The following ADAMTSL1 variants were observed in gnomAD, a reference collection of about 807,000 sequenced individuals.
ADAMTSL1 encodes the protein ADAMTS-like protein 1.
A neutral mutation model predicts 201.8 loss-of-function variants in ADAMTSL1; 126 were observed. The ratio of observed to expected loss-of-function variants is 0.62; its 90% CI spans 0.54 to 0.72. The LOEUF (loss-of-function observed/expected upper bound fraction) is 0.72. ADAMTSL1 is among the 30% of genes least tolerant of loss of function. The probability of loss-of-function intolerance (pLI) is 0.00; values close to 1 mark genes in which losing one functional copy is unlikely to be tolerated. For synonymous variants in ADAMTSL1, 1,121 were observed against 903.4 expected (o/e 1.24, Z -4.32); for missense variants, 2,679 against 2,277.8 (o/e 1.18, Z -3.59).
chr9:17,930,560 T>C (rs1300944668), intron 1 of ADAMTSL1, among the ~76,000 whole-genome samples: 3 of 152,112 alleles, frequency 2.0e-5, no homozygotes, highest in Non-Finnish European at 2.9e-5. Flanking sequence ...CACATTGTGC[T>C]TGGAGAGTCA....
At chr9:18,373,983 G>C (rs899020822) in intron 2 of ADAMTSL1, among the ~76,000 whole-genome samples, 11 of 152,142 alleles carry the variant, frequency 7.2e-5, no homozygotes, top group African/African-American at 2.7e-4. Flanking sequence ...ACTAGGAACT[G>C]GGCTAGGAAC....
At chr9:18,304,662 A>G (rs1473130040) in intron 2 of ADAMTSL1, among the ~76,000 whole-genome samples, 2 of 148,504 alleles carry the variant, frequency 1.3e-5, no homozygotes, top group Non-Finnish European at 3.0e-5. Context: ...TTTTTTTTTT[A>G]GGACTATGCT....
chr9:18,823,051 A>G (rs1315974858), intron 21 of ADAMTSL1, among the ~76,000 whole-genome samples: 3 of 152,176 alleles, frequency 2.0e-5, no homozygotes, highest in Non-Finnish European at 4.4e-5. Flanking sequence ...TTATGGAAGG[A>G]CTGGCTGTCA....
At chr9:18,626,530 T>A (rs1440227723) in intron 5 of ADAMTSL1, among the ~76,000 whole-genome samples, 1 of 152,036 alleles carries the variant, frequency 6.6e-6, no homozygotes, top group African/African-American at 2.4e-5. Context: ...TAAAATGAGG[T>A]GAGTTTCAAA....
At chr9:18,252,064 A>G (rs923582070) in intron 2 of ADAMTSL1, among the ~76,000 whole-genome samples, 3 of 152,148 alleles carry the variant, frequency 2.0e-5, no homozygotes, top group African/African-American at 4.8e-5. Context: ...TAAAAGAAAA[A>G]AAATGAACCA....
At chr9:18,195,681 A>G (rs552166751) in intron 2 of ADAMTSL1, among the ~76,000 whole-genome samples, 3 of 152,174 alleles carry the variant, frequency 2.0e-5, no homozygotes, top group Non-Finnish European at 4.4e-5. Context: ...AGTTAAATCC[A>G]TCACTGTAAA....
rs947240596 is a variant in ADAMTSL1, at chr9:18,829,889, C to T, written c.4161C>T (p.Leu1387=). 6.8e-6 allele frequency: 11 copies of T among 1,613,870 alleles called. No homozygotes were observed. The highest frequency in any genetic ancestry group is 5.3e-5 in the African/African-American group (4 of 74,934). ...AGTTGGAAGACATCAGGGCCTTGCT[C>T]GCTGCCACTGGACCGAACCTTCCTT... ...PTQLEDIRAL[L]AATGPNLPSV... is the part of the protein sequence containing the mutation. Residue 1387 remains leucine, a synonymous_variant, in exon 23 of 29, where the codon CTC becomes CTT. Transcript: ENST00000380548.
At chr9:18,798,570 C>T (rs1054905521) in intron 20 of ADAMTSL1, among the ~76,000 whole-genome samples, 1 of 152,178 alleles carries the variant, frequency 6.6e-6, no homozygotes, top group Non-Finnish European at 1.5e-5. Context: ...AGGATGCTCA[C>T]AAACCCTTTG....
At chr9:18,659,656 A>G (rs4451401) in intron 8 of ADAMTSL1, among the ~76,000 whole-genome samples, 30,696 of 152,196 alleles carry the variant, frequency 0.2, 3,152 homozygotes, top group Middle Eastern at 0.23. Flanking sequence ...AATCCCAGCT[A>G]CTTGGGAGGC....
intron 13 of ADAMTSL1, among the ~76,000 whole-genome samples, chr9:18,688,627 C>T (rs1332874741): frequency 8.5e-6 from 1 of 116,962 alleles, no homozygotes; most frequent in Non-Finnish European, 1.7e-5. Flanking sequence ...GAGATCTTGC[C>T]ACCAAACTCC....
chr9:18,102,107 T>C (rs1824553830), intron 1 of ADAMTSL1, among the ~76,000 whole-genome samples: 1 of 152,234 alleles, frequency 6.6e-6, no homozygotes, highest in Non-Finnish European at 1.5e-5. Context: ...ATGTCTGTTT[T>C]TGAATATACT....
chr9:18,576,957 T>C, intron 4 of ADAMTSL1, among the ~76,000 whole-genome samples: 1 of 152,080 alleles, frequency 6.6e-6, no homozygotes, highest in Non-Finnish European at 1.5e-5. Flanking sequence ...AGTTCAAAAC[T>C]CCTATTCTTT....
chr9:18,756,455 A>G (rs545948921), intron 16 of ADAMTSL1, among the ~76,000 whole-genome samples: 2 of 152,172 alleles, frequency 1.3e-5, no homozygotes, highest in South Asian at 4.1e-4. Flanking sequence ...CATTGTTTAT[A>G]TTGTATGGTG....
intron 1 of ADAMTSL1, among the ~76,000 whole-genome samples, chr9:17,914,505 G>A (rs200612217): frequency 3.3e-5 from 5 of 152,006 alleles, no homozygotes; most frequent in Non-Finnish European, 4.4e-5. Context: ...TAAATTAGGT[G>A]TTGATGGGAC....
At chr9:18,534,887 C>A (rs1819662375) in intron 3 of ADAMTSL1, among the ~76,000 whole-genome samples, 1 of 152,192 alleles carries the variant, frequency 6.6e-6, no homozygotes, top group Non-Finnish European at 1.5e-5. Context: ...CAGAGGCTGC[C>A]TAGAGCAGGG....
In ADAMTSL1 at chr9:18,287,639, GTA is replaced by G. The variant is rs1341880148; in HGVS notation, c.207+123660_207+123661del. Among the ~76,000 whole-genome samples, 346 of 126,240 alleles carry G rather than the reference GTA, an allele frequency of 2.7e-3. 3 individuals are homozygous for G. Among genetic ancestry groups the G allele is most frequent in the African/African-American group, 8.4e-3 (306 of 36,470 alleles). 82.8% of individuals were successfully genotyped at this position (126,240 alleles called of 152,430 possible). The stretch of plus-strand genomic sequence containing the variant: ...TATGTGTATACATATACGCATATAT[GTA>G]TGTGTATACATATACACATATATGT... On this transcript the variant is annotated intron_variant, in intron 2 of 29. Coordinates refer to the ADAMTSL1 transcript ENST00000680146.
intron 9 of ADAMTSL1, among the ~76,000 whole-genome samples, chr9:18,671,994 A>G (rs1257324422): frequency 6.6e-6 from 1 of 152,038 alleles, no homozygotes; most frequent in South Asian, 2.1e-4. Flanking sequence ...CCGAGATCGC[A>G]CCTCTGCACT....
At chr9:18,434,229 G>T (rs1298662540) in intron 2 of ADAMTSL1, among the ~76,000 whole-genome samples, 3 of 152,088 alleles carry the variant, frequency 2.0e-5, no homozygotes, top group Admixed American at 1.3e-4. Flanking sequence ...GGTCATAAAA[G>T]CTTTGGGCAA....
chr9:17,972,231 C>T (rs4997913), intron 1 of ADAMTSL1, among the ~76,000 whole-genome samples: 105,067 of 131,540 alleles, frequency 0.8, 42,442 homozygotes, highest in East Asian at 0.92. Context: ...GTTACCTATG[C>T]ATACATGTGC....
Sources: gnomAD v4.1 joint callset for allele counts (sites outside exome capture counted in the v4.1 genomes callset) on GRCh38, gnomAD v4.1.1 for gene constraint, MANE v1.5 for transcripts, NCBI Gene and HGNC (gene_info 2026-07-23, HGNC 2026-07-21) for gene names.